The following NOTCH2 variants were observed in gnomAD, a reference collection of about 807,000 sequenced individuals.
NOTCH2 encodes neurogenic locus notch homolog protein 2.
Under a neutral mutation model 235.8 loss-of-function variants are expected in NOTCH2, and 29 were observed. The observed-to-expected ratio is 0.12, with a 90% CI of 0.09 to 0.17. The LOEUF (loss-of-function observed/expected upper bound fraction) is 0.17. Among genes scored for constraint, NOTCH2 ranks in the 10% least tolerant of loss-of-function variants. NOTCH2 has a pLI of 1.00. For synonymous variants in NOTCH2, 1,086 were observed against 1,141.5 expected, an observed-to-expected ratio of 0.95 and a Z score of 0.98; for missense variants, 2,285 against 3,150.2, an observed-to-expected ratio of 0.73 and a Z score of 6.57.
Position 119,913,390 on chromosome 1 carries a change from T to C in NOTCH2, c.*1916A>G, listed in dbSNP as rs1179476924. 4.3e-6 allele frequency: 1 copy of C among 233,224 alleles called. No homozygotes were observed. The highest frequency in any genetic ancestry group is 8.5e-6 in the Non-Finnish European group (1 of 118,048). The allele number at this position is 233,224 out of a possible 1,614,324, so 14.4% of individuals were successfully genotyped here. ...AAATCAGGTAAGTGGGAAGCACTGATGCATACTTGCAGCCATAGAAGGAAT... is the reference window on the plus strand; with the variant it reads ...AAATCAGGTAAGTGGGAAGCACTGACGCATACTTGCAGCCATAGAAGGAAT... On this transcript the variant is annotated 3_prime_UTR_variant, in exon 34 of 34. Transcript: ENST00000256646.
At chr1:120,045,886 G>A (rs1654766414) in intron 1 of NOTCH2, among the ~76,000 whole-genome samples, 3 of 152,262 alleles carry the variant, frequency 2.0e-5, no homozygotes, top group Admixed American at 2.0e-4. Flanking sequence ...CCAGAAGCAG[G>A]GGAGGTGTAA....
chr1:119,999,749 G>T (rs1337457223), intron 3 of NOTCH2, among the ~76,000 whole-genome samples: 1 of 152,046 alleles, frequency 6.6e-6, no homozygotes, highest in Non-Finnish European at 1.5e-5. Context: ...GGGCTTTATG[G>T]CGCATGCCTG....
chr1:119,925,672 G>C lies in NOTCH2; in HGVS notation c.4144C>G (p.Pro1382Ala). ...RDCESGCASSPCQHGGSCHPQ... is the reference protein window; with the variant it reads ...RDCESGCASSACQHGGSCHPQ... ...TGGCAGCTGCCCCCGTGCTGGCAGG[G>C]GCTACTGGCACAGCCTGACTCGCAG... Residue 1382 changes from proline (P) to alanine (A), a missense_variant, in exon 25 of 34, where the codon CCC becomes GCC. Coordinates refer to ENST00000256646, the MANE Select transcript of NOTCH2 (RefSeq NM_024408.4). 2 of 1,612,472 alleles carry C rather than the reference G, an allele frequency of 1.2e-6. No individual in the cohort carries two copies. The highest frequency in any genetic ancestry group is 1.7e-6 in the Non-Finnish European group (2 of 1,178,738).
chr1:120,024,786 T>C (rs1172757265), intron 2 of NOTCH2, among the ~76,000 whole-genome samples: 3 of 152,186 alleles, frequency 2.0e-5, no homozygotes, highest in Admixed American at 1.3e-4. Context: ...ACGTTAGATA[T>C]TTACCAAGTG....
Position 120,011,629 on chromosome 1 carries a change from A to G in NOTCH2, c.156-6041T>C, listed in dbSNP as rs587642047. On this transcript the variant is annotated intron_variant, in intron 2 of 33. Coordinates refer to ENST00000256646, the MANE Select transcript of NOTCH2 (RefSeq NM_024408.4). ...ACTATGTATTGTATATTTGCTAAGCATTTGATAGCTATTGTCTCTTGTATT... is the reference window on the plus strand; with the variant it reads ...ACTATGTATTGTATATTTGCTAAGCGTTTGATAGCTATTGTCTCTTGTATT... Among the ~76,000 whole-genome samples, 658 of 152,192 alleles carry G rather than the reference A, an allele frequency of 4.3e-3. 2 individuals carry two copies. Among genetic ancestry groups the G allele is most frequent in the Admixed American group, 6.0e-3 (92 of 15,280 alleles).
chr1:119,920,548 G>T, intron 29 of NOTCH2, 151 bp from the exon 30 acceptor site: 4 of 872,204 alleles, frequency 4.6e-6, no homozygotes, highest in Non-Finnish European at 5.6e-6. Context: ...CCTCAGCCTT[G>T]GCTTCCCACT....
Position 119,997,061 on chromosome 1 carries a change from A to C in NOTCH2, c.687T>G (p.Pro229=), listed in dbSNP as rs782751057. 6.2e-7 allele frequency: 1 copy of C among 1,614,020 alleles called. No homozygotes were observed. The highest frequency in any genetic ancestry group is 8.5e-7 in the Non-Finnish European group (1 of 1,179,868). ...GCCGACAGGTGCCTCCATTGACACAAGGTGAGGGTGCACAGGGCACATACA... is the reference window on the plus strand; with the variant it reads ...GCCGACAGGTGCCTCCATTGACACACGGTGAGGGTGCACAGGGCACATACA... The part of the protein sequence containing the change: ...DSLYVPCAPS[P]CVNGGTCRQT... Residue 229 remains proline (P), a synonymous_variant, in exon 4 of 34, where the codon CCT becomes CCG. Transcript: ENST00000256646.
intron 2 of NOTCH2, among the ~76,000 whole-genome samples, chr1:120,010,260 G>C (rs1386762259): frequency 2.6e-5 from 4 of 152,018 alleles, no homozygotes; most frequent in Admixed American, 2.0e-4. Context: ...TCATCTTGTT[G>C]CTGGCTTTTC....
chr1:120,006,705 C>G (rs1367117534), intron 2 of NOTCH2, among the ~76,000 whole-genome samples: 4 of 150,740 alleles, frequency 2.7e-5, no homozygotes, highest in African/African-American at 4.9e-5. Context: ...GGCTGTTCCA[C>G]CATTACCTCA....
chr1:120,069,391 G>A lies in NOTCH2; in HGVS notation c.16C>T (p.Pro6Ser), dbSNP rs781993162. 1.0e-5 allele frequency: 16 copies of A among 1,552,134 alleles called. No individual in the cohort carries two copies. Among genetic ancestry groups the A allele is most frequent in the Non-Finnish European group, 1.4e-5 (16 of 1,157,362 alleles). Residue 6 changes from proline to serine, a missense_variant, in exon 1 of 34, where the codon CCC (proline) becomes TCC (serine). Pro to Ser is a moderately conservative substitution (Grantham distance 74). Transcript: ENST00000256646. Reference protein sequence around the residue: MPALRPALLWALLALW... With the variant: MPALRSALLWALLALW... ...GCCAGCAGCGCCCACAGCAGAGCGG[G>A]GCGCAGGGCGGGCATCTTCTCGGTC...
rs782653586 is a variant in NOTCH2, at chr1:119,996,738, T to C, written c.751+259A>G. The C allele has an allele frequency of 5.6e-6, 6 of 1,076,450 alleles. No individual in the cohort carries two copies. In the East Asian group the frequency reaches 7.0e-5, roughly 13 times the overall value. The allele number at this position is 1,076,450 out of a possible 1,614,324, so 66.7% of individuals were successfully genotyped here. A position where few individuals can be genotyped will look rare whatever the true frequency, so the allele number is the denominator to read the frequency against. ...CCCAGAGCTCTGTTCCTCTTATTTC[T>C]CACTGTTTCTACAAAAGGGACAATA... is the stretch of plus-strand genomic sequence containing the variant. On this transcript the variant is annotated intron_variant, in intron 4 of 33. Transcript: ENST00000256646.
intron 17 of NOTCH2, among the ~76,000 whole-genome samples, chr1:119,944,833 A>G (rs1224694454): frequency 6.6e-6 from 1 of 152,194 alleles, no homozygotes; most frequent in African/African-American, 2.4e-5. Context: ...AAAAACAGAA[A>G]GACTTCATCA....
chr1:119,965,483 G>A lies in NOTCH2; in HGVS notation c.1651C>T (p.Pro551Ser), dbSNP rs1651101160. 2 of 1,613,768 alleles carry A rather than the reference G, an allele frequency of 1.2e-6. No homozygotes were observed. Among genetic ancestry groups the A allele is most frequent in the Admixed American group, 1.7e-5 (1 of 59,994 alleles). Reference sequence around the variant, plus strand: ...GCACACTGGCATTCATAGCCATTCGGGTGATCGATACACTTTGCCCCATTC... The same window carrying A: ...GCACACTGGCATTCATAGCCATTCGAGTGATCGATACACTTTGCCCCATTC... Reference protein sequence around the residue: ...CLNGAKCIDHPNGYECQCATG... With the variant: ...CLNGAKCIDHSNGYECQCATG... Residue 551 changes from proline to serine, a missense_variant, in exon 10 of 34, where the codon CCG (proline) becomes TCG (serine). Pro to Ser is a moderately conservative substitution (Grantham distance 74, BLOSUM62 -1). Coordinates refer to ENST00000256646, the MANE Select transcript of NOTCH2 (RefSeq NM_024408.4).
chr1:119,934,078 T>C (rs1338963525), intron 22 of NOTCH2, among the ~76,000 whole-genome samples: 1 of 152,220 alleles, frequency 6.6e-6, no homozygotes, highest in Non-Finnish European at 1.5e-5. Context: ...CAGTGTTATA[T>C]TAAGCTCTGA....
intron 14 of NOTCH2, among the ~76,000 whole-genome samples, chr1:119,952,647 G>A (rs1196894027): frequency 2.6e-5 from 4 of 152,144 alleles, no homozygotes; most frequent in South Asian, 2.1e-4. Context: ...TGAGTGACGG[G>A]GAGTGGCTAT....
At chr1:119,998,760 T>A (rs1204418269) in intron 3 of NOTCH2, among the ~76,000 whole-genome samples, 9 of 149,534 alleles carry the variant, frequency 6.0e-5, no homozygotes, top group Admixed American at 6.0e-4. Context: ...TACATATGTA[T>A]ATATGTGCCA....
intron 1 of NOTCH2, among the ~76,000 whole-genome samples, chr1:120,039,355 C>T (rs1196556366): frequency 2.0e-5 from 3 of 150,210 alleles, no homozygotes; most frequent in African/African-American, 4.9e-5. Flanking sequence ...ATTATCAAGA[C>T]AAATTTTGCC....
intron 22 of NOTCH2, among the ~76,000 whole-genome samples, chr1:119,933,827 A>G (rs1369986145): frequency 4.6e-5 from 7 of 152,206 alleles, no homozygotes; most frequent in South Asian, 4.1e-4. Flanking sequence ...GTACTCTCCT[A>G]TATTTCCCAG....
chr1:119,930,019 A>G (rs2101170979), intron 22 of NOTCH2, among the ~76,000 whole-genome samples: 2 of 152,368 alleles, frequency 1.3e-5, no homozygotes, highest in South Asian at 4.1e-4. Context: ...TACAATATTC[A>G]GTTCAGTAAA....
Sources: gnomAD v4.1 joint callset for allele counts (sites outside exome capture counted in the v4.1 genomes callset) on GRCh38, gnomAD v4.1.1 for gene constraint, MANE v1.5 for transcripts, NCBI Gene and HGNC (gene_info 2026-07-23, HGNC 2026-07-21) for gene names.